BTNL8: variants seen among roughly 807,000 people sequenced by gnomAD.
BTNL8 encodes the protein butyrophilin like 8.
BTNL8 carries 22 observed loss-of-function variants against 36.1 expected under a neutral mutation model. The observed-to-expected ratio is 0.61, with a 90% CI of 0.44 to 0.87. The LOEUF is 0.87. BTNL8 is among the 40% of genes least tolerant of loss of function. The probability of loss-of-function intolerance (pLI) is 0.00; values close to 1 mark genes in which losing one functional copy is unlikely to be tolerated. For synonymous variants in BTNL8, 203 were observed against 235.6 expected (o/e 0.86, Z 1.27); for missense variants, 526 against 616.9 (o/e 0.85, Z 1.56).
chr5:180,945,768 C>A lies in BTNL8; in HGVS notation c.674-1744C>A, dbSNP rs181160846. On this transcript the variant is annotated intron_variant, in intron 3 of 7. Transcript: ENST00000340184. ...TCCTGAGAGCAAGATGGGTCACCAG[C>A]AGCTGTACTGGAGCCACTCATGAAA... The A allele has an allele frequency of 3.5e-4, 177 of 505,278 alleles. 1 individual carries two copies. The East Asian group carries it at 8.8e-3, about 25-fold the overall frequency. 31.3% of individuals were successfully genotyped at this position (505,278 alleles called of 1,614,324 possible).
intron 3 of BTNL8, among the ~76,000 whole-genome samples, chr5:180,924,362 C>G (rs1427906122): frequency 1.3e-5 from 2 of 152,214 alleles, no homozygotes; most frequent in African/African-American, 2.4e-5. Flanking sequence ...CCTGAGTGAT[C>G]AAGCAGCAAC....
chr5:180,912,955 C>T (rs1173531297), intron 3 of BTNL8, among the ~76,000 whole-genome samples: 2 of 152,084 alleles, frequency 1.3e-5, no homozygotes, highest in Non-Finnish European at 2.9e-5. Context: ...GCATAAATAA[C>T]CTGAAAGCTT....
rs560072513 is a variant in BTNL8, at chr5:180,908,366, G to A, written c.50-220G>A. 1.8e-3 allele frequency among the ~76,000 whole-genome samples: 269 copies of A among 152,174 alleles called. 2 individuals are homozygous for A. Among genetic ancestry groups the A allele is most frequent in the Non-Finnish European group, 3.1e-3 (211 of 67,980 alleles). ...GTGAGGCAATGCCTCGCCCTGCTTC[G>A]GCTCGTGCACGGTGCGCGCACCCAC... On this transcript the variant is annotated intron_variant, in intron 1 of 7. Coordinates refer to ENST00000340184, the MANE Select transcript of BTNL8 (RefSeq NM_001040462.3).
At chr5:180,924,893 A>G (rs1192364785) in intron 3 of BTNL8, among the ~76,000 whole-genome samples, 1 of 152,226 alleles carries the variant, frequency 6.6e-6, no homozygotes, top group Non-Finnish European at 1.5e-5. Flanking sequence ...AAGAAAATGC[A>G]GATAGAAAAT....
In BTNL8 at chr5:180,949,500, T is replaced by C. The variant is rs1421078038; in HGVS notation, c.862+235T>C. ...GGGTAAACGGGAGACGGGGGGGTCT[T>C]TGGCACAGTTTCAGGGAATTGAGGG... On this transcript the variant is annotated intron_variant, in intron 7 of 7. Transcript: ENST00000340184. 9.1e-6 allele frequency: 6 copies of C among 659,074 alleles called. 1 individual carries two copies. The African/African-American group carries it at 9.2e-5, about 10-fold the overall frequency. 40.8% of individuals were successfully genotyped at this position (659,074 alleles called of 1,614,324 possible).
At position 180,908,875 on chromosome 5, in the gene BTNL8, G is replaced by A. The variant is rs760555544; in HGVS notation, c.339G>A (p.Gly113=). The change falls in exon 2 of 8, where the codon GGG becomes GGA. Residue 113 remains glycine (G), a synonymous_variant. Transcript: ENST00000340184. ...NITVLDAGLY[G]CRISSQSYYQ... ...CTGTGTTGGATGCTGGCCTCTATGG[G>A]TGCAGGATTAGTTCCCAGTCTTACT... 3.7e-6 allele frequency: 6 copies of A among 1,614,088 alleles called. 1 individual carries two copies. The African/African-American group carries it at 4.0e-5, about 11-fold the overall frequency.
At position 180,911,678 on chromosome 5, in the gene BTNL8, A is replaced by G. The variant is rs942578301; in HGVS notation, c.673+64A>G. 6.3e-6 allele frequency: 9 copies of G among 1,431,786 alleles called. No homozygotes were observed. The African/African-American group carries it at 1.3e-4, about 20-fold the overall frequency. The allele number at this position is 1,431,786 out of a possible 1,614,324, so 88.7% of individuals were successfully genotyped here. A position where few individuals can be genotyped will look rare whatever the true frequency, so the allele number is the denominator to read the frequency against. On this transcript the variant is annotated intron_variant, in intron 3 of 7. Transcript: ENST00000340184. ...TGCTTCGGTAACTCAGAGGGAGGAC[A>G]GGAGCCTCCATCTTGGCATTGCTGT... is the stretch of plus-strand genomic sequence containing the variant.
chr5:180,933,107 G>C (rs4701011), intron 3 of BTNL8, among the ~76,000 whole-genome samples: 36,442 of 151,388 alleles, frequency 0.24, 4,966 homozygotes, highest in Admixed American at 0.3. Context: ...ATAATAGAGG[G>C]TTCAATTTAC....
intron 3 of BTNL8, among the ~76,000 whole-genome samples, chr5:180,922,482 T>C (rs1321397282): frequency 6.6e-6 from 1 of 151,370 alleles, no homozygotes; most frequent in Non-Finnish European, 1.5e-5. Context: ...GTTATTCAAT[T>C]TCCATGTAAT....
At chr5:180,936,776 G>T (rs980159329) in intron 3 of BTNL8, among the ~76,000 whole-genome samples, 1 of 152,202 alleles carries the variant, frequency 6.6e-6, no homozygotes, top group Non-Finnish European at 1.5e-5. Context: ...TGGTGGAGCT[G>T]CTGCCTGCCA....
intron 2 of BTNL8, among the ~76,000 whole-genome samples, chr5:180,909,278 C>T (rs1282567511): frequency 6.6e-6 from 1 of 152,202 alleles, no homozygotes; most frequent in African/African-American, 2.4e-5. Flanking sequence ...CTTCACACCG[C>T]AGGTGACCTT....
chr5:180,931,536 G>T (rs199770678), intron 3 of BTNL8, among the ~76,000 whole-genome samples: 1 of 152,056 alleles, frequency 6.6e-6, no homozygotes, highest in East Asian at 1.9e-4. Context: ...TACAGAATGG[G>T]AGAAAATTTT....
At chr5:180,938,540 CTTTCTT>C in intron 3 of BTNL8, among the ~76,000 whole-genome samples, 1 of 139,562 alleles carries the variant, frequency 7.2e-6, no homozygotes, top group Admixed American at 6.8e-5. Context: ...TCCTTCCTTT[CTTTCTT>C]TTTTTTTTTT....
At chr5:180,936,455 T>C (rs1184513920) in intron 3 of BTNL8, among the ~76,000 whole-genome samples, 1 of 152,038 alleles carries the variant, frequency 6.6e-6, no homozygotes, top group African/African-American at 2.4e-5. Flanking sequence ...AATGAAAAAC[T>C]ATCTGAAAAA....
intron 3 of BTNL8, among the ~76,000 whole-genome samples, chr5:180,915,644 C>T (rs772989132): frequency 1.3e-5 from 2 of 152,132 alleles, no homozygotes; most frequent in Non-Finnish European, 2.9e-5. Flanking sequence ...GACAGAAAGA[C>T]AAAATATACT....
rs1757276709 is a variant in BTNL8 at position 180,909,357 on chromosome 5, C to T, written c.397+424C>T. Among the ~76,000 whole-genome samples, 3 of 152,300 alleles carry T rather than the reference C, an allele frequency of 2.0e-5. No homozygotes were observed. The South Asian group carries it at 6.2e-4, about 32-fold the overall frequency. On this transcript the variant is annotated intron_variant, in intron 2 of 7. Transcript: ENST00000340184. ...ATCCAAATTATTGCTTGTATCGATACTTTATTTCTTTTTTTTCCCCACTGT... is the reference window on the plus strand; with the variant it reads ...ATCCAAATTATTGCTTGTATCGATATTTTATTTCTTTTTTTTCCCCACTGT...
At chr5:180,919,520 T>C (rs1051912280) in intron 3 of BTNL8, among the ~76,000 whole-genome samples, 3 of 152,226 alleles carry the variant, frequency 2.0e-5, no homozygotes, top group Non-Finnish European at 4.4e-5. Flanking sequence ...GTGTCCACTC[T>C]TGCCACATAG....
intron 3 of BTNL8, among the ~76,000 whole-genome samples, chr5:180,940,889 T>C (rs1240825973): frequency 2.0e-5 from 3 of 152,018 alleles, no homozygotes; most frequent in Non-Finnish European, 4.4e-5. Flanking sequence ...AACATGGTGG[T>C]GAAACCCTGT....
At chr5:180,909,547 C>T (rs1233270945) in intron 2 of BTNL8, 8 of 985,666 alleles carry the variant, frequency 8.1e-6, no homozygotes, top group Non-Finnish European at 9.6e-6. Flanking sequence ...TCTGTGTTAA[C>T]TTGACCATAC....
Sources: allele counts gnomAD v4.1 joint callset (sites outside exome capture counted in the v4.1 genomes callset), GRCh38; gene constraint gnomAD v4.1.1; transcripts MANE v1.5; gene names NCBI Gene and HGNC (gene_info 2026-07-23, HGNC 2026-07-21).